Variants in RGS20 observed in about 807,000 individuals in gnomAD.
RGS20 encodes the protein regulator of G protein signaling 20.
In RGS20, 30 loss-of-function variants were observed where a neutral mutation model predicts 33.6. That is an observed-to-expected ratio of 0.89 (90% CI 0.67 to 1.21). RGS20 has a LOEUF of 1.21. Ranked by LOEUF, RGS20 falls within the 50% of genes most tolerant of loss-of-function variation. RGS20 has a pLI of 0.00. For missense variants in RGS20, 472 were observed against 502.4 expected (o/e 0.94, Z 0.58); for synonymous variants, 208 against 197.9 (o/e 1.05, Z -0.43).
At position 53,877,314 on chromosome 8, in the gene RGS20, T is replaced by A. The variant is rs1414672476; in HGVS notation, c.166-1944T>A. The stretch of plus-strand genomic sequence containing the variant: ...CCCTGCCGCCCGTGGCCGCCGAAGT[T>A]CCCGCCCTCGCCGAGGGCCCTCGCT... On this transcript the variant is annotated intron_variant, in intron 1 of 5. Transcript: ENST00000297313. This position sits in a 1 kb window ranked among gnomAD's most constrained non-coding sequence, Gnocchi z 5.7. Among the ~76,000 whole-genome samples the A allele has an allele frequency of 6.6e-6, 1 of 152,058 alleles. No individual in the cohort carries two copies. Among genetic ancestry groups the A allele is most frequent in the African/African-American group, 2.4e-5 (1 of 41,408 alleles).
At chr8:53,858,587 C>T (rs1346541344) in intron 1 of RGS20, among the ~76,000 whole-genome samples, 3 of 151,886 alleles carry the variant, frequency 2.0e-5, no homozygotes, top group South Asian at 4.2e-4. Context: ...TTCAGATATA[C>T]ATTGGCTTGA....
intron 1 of RGS20, among the ~76,000 whole-genome samples, chr8:53,854,033 C>G (rs1446997755): frequency 2.0e-5 from 3 of 152,026 alleles, no homozygotes; most frequent in Admixed American, 2.0e-4. Context: ...CAGAAATTCT[C>G]CAAAAATCCT....
intron 1 of RGS20, among the ~76,000 whole-genome samples, chr8:53,866,380 T>C (rs1159794145): frequency 6.6e-6 from 1 of 150,920 alleles, no homozygotes; most frequent in Non-Finnish European, 1.5e-5. Flanking sequence ...GAAGGACACA[T>C]TTACCTCTTT....
chr8:53,898,787 A>C (rs1046199303), intron 2 of RGS20, among the ~76,000 whole-genome samples: 10 of 152,212 alleles, frequency 6.6e-5, no homozygotes, highest in Non-Finnish European at 1.3e-4. Context: ...CCACCTGGTG[A>C]ATGTTGAAAA....
intron 2 of RGS20, among the ~76,000 whole-genome samples, chr8:53,931,687 C>T (rs561197395): frequency 6.6e-6 from 1 of 152,266 alleles, no homozygotes; most frequent in African/African-American, 2.4e-5. Context: ...TTCTGCATTT[C>T]CAACTGAGGT....
At chr8:53,853,545 T>C (rs1811610844) in intron 1 of RGS20, among the ~76,000 whole-genome samples, 1 of 152,178 alleles carries the variant, frequency 6.6e-6, no homozygotes, top group Admixed American at 6.5e-5. Context: ...CACTCAGTTT[T>C]TGCCTTTTGA....
intron 1 of RGS20, among the ~76,000 whole-genome samples, chr8:53,873,678 G>A (rs1237953553): frequency 6.6e-6 from 1 of 152,174 alleles, no homozygotes; most frequent in Admixed American, 6.5e-5. Context: ...ATTCTATGGA[G>A]GGAGCAATAA....
At chr8:53,942,041 AGGCC>A (rs1814312704) in intron 3 of RGS20, among the ~76,000 whole-genome samples, 1 of 152,218 alleles carries the variant, frequency 6.6e-6, no homozygotes, top group African/African-American at 2.4e-5. Flanking sequence ...TGGGAGGCCG[AGGCC>A]GGCAGATCAC....
chr8:53,936,520 T>C (rs1386767252), intron 2 of RGS20, among the ~76,000 whole-genome samples: 2 of 151,908 alleles, frequency 1.3e-5, no homozygotes, highest in African/African-American at 2.4e-5. Context: ...GAGAATAAAA[T>C]ACCTAGAAAT....
chr8:53,893,865 T>A (rs1269574078), intron 2 of RGS20, among the ~76,000 whole-genome samples: 1 of 152,126 alleles, frequency 6.6e-6, no homozygotes, highest in African/African-American at 2.4e-5. Flanking sequence ...AGGATAAAAT[T>A]ATGCAAAATC....
intron 2 of RGS20, among the ~76,000 whole-genome samples, chr8:53,902,326 AT>A (rs1585903775): frequency 6.6e-6 from 1 of 152,130 alleles, no homozygotes; most frequent in Admixed American, 6.5e-5. Context: ...GAACATTTGA[AT>A]AGTTTTTGAC....
At chr8:53,948,005 T>C (rs1398691175) in intron 4 of RGS20, among the ~76,000 whole-genome samples, 2 of 136,342 alleles carry the variant, frequency 1.5e-5, no homozygotes, top group Non-Finnish European at 3.0e-5. Flanking sequence ...ATATATGCTA[T>C]ATATATGATA....
At position 53,958,542 on chromosome 8, in the gene RGS20, C is replaced by G; in HGVS notation, c.*84C>G. 1 of 681,072 alleles carries G rather than the reference C, an allele frequency of 1.5e-6. No homozygotes were observed. Among genetic ancestry groups the G allele is most frequent in the African/African-American group, 1.9e-5 (1 of 53,200 alleles). 42.2% of individuals were successfully genotyped at this position (681,072 alleles called of 1,614,324 possible). ...AGCACAGGGAATTTAGAGGTTGTAG[C>G]ATCTTCTGCTGGAGTAATACTCAGG... On this transcript the variant is annotated 3_prime_UTR_variant, in exon 6 of 6. Transcript: ENST00000297313.
chr8:53,867,182 G>A (rs775839385), intron 1 of RGS20, among the ~76,000 whole-genome samples: 33 of 151,892 alleles, frequency 2.2e-4, no homozygotes, highest in South Asian at 4.2e-4. Flanking sequence ...TCAGGAGAGC[G>A]GCAGAGCCTG....
chr8:53,859,989 A>G (rs1811775955), intron 1 of RGS20, among the ~76,000 whole-genome samples: 1 of 152,208 alleles, frequency 6.6e-6, no homozygotes. Context: ...GACACAGCCA[A>G]ACCATATCGG....
intron 2 of RGS20, among the ~76,000 whole-genome samples, chr8:53,935,838 G>A (rs1211620739): frequency 2.0e-5 from 3 of 151,990 alleles, no homozygotes; most frequent in East Asian, 1.9e-4. Context: ...ACATCAATGC[G>A]AACATCCTCA....
chr8:53,853,730 G>T (rs1811615825), intron 1 of RGS20, among the ~76,000 whole-genome samples: 1 of 152,190 alleles, frequency 6.6e-6, no homozygotes, highest in African/African-American at 2.4e-5. Context: ...AGCAAGATAT[G>T]CTCCCTCCTT....
At chr8:53,937,427 A>C (rs1420630476) in intron 2 of RGS20, among the ~76,000 whole-genome samples, 1 of 152,104 alleles carries the variant, frequency 6.6e-6, no homozygotes, top group Non-Finnish European at 1.5e-5. Context: ...AACCATAAAA[A>C]CCCTAGAAGA....
At chr8:53,944,406 T>G (rs1331393802) in intron 3 of RGS20, among the ~76,000 whole-genome samples, 1 of 151,832 alleles carries the variant, frequency 6.6e-6, no homozygotes, top group Non-Finnish European at 1.5e-5. Context: ...GGTGTGGTGG[T>G]GCGCGCCTGT....
Sources: gnomAD v4.1 joint callset for allele counts (sites outside exome capture counted in the v4.1 genomes callset) on GRCh38, gnomAD v4.1.1 for gene constraint, Gnocchi (gnomAD v3.1) non-coding constraint, MANE v1.5 for transcripts, NCBI Gene and HGNC (gene_info 2026-07-23, HGNC 2026-07-21) for gene names.